The following DNAH6 variants were observed in gnomAD, a reference collection of about 807,000 sequenced individuals.
DNAH6 encodes the protein axonemal beta dynein heavy chain 6.
DNAH6 carries 340 observed loss-of-function variants against 491.4 expected under a neutral mutation model. That is an observed-to-expected ratio of 0.69 (90% CI 0.63 to 0.76). The LOEUF (loss-of-function observed/expected upper bound fraction) is 0.76, where lower values mean the gene tolerates loss of function less well. Among genes scored for constraint, DNAH6 ranks in the 30% least tolerant of loss-of-function variants. The pLI, the probability that DNAH6 is intolerant of heterozygous loss-of-function variation, is 0.00. For missense variants in DNAH6, 4,443 were observed against 4,972.2 expected (o/e 0.89, Z 3.20); for synonymous variants, 1,603 against 1,686.1 (o/e 0.95, Z 1.21).
At chr2:84,765,571 G>A (rs1478280011) in intron 64 of DNAH6, among the ~76,000 whole-genome samples, 2 of 151,980 alleles carry the variant, frequency 1.3e-5, no homozygotes, top group African/African-American at 2.4e-5. Context: ...TAGGGGAAAA[G>A]ACTAAAAGGA....
chr2:84,489,336 G>C, the DNAH6 span, among the ~76,000 whole-genome samples: 1 of 151,964 alleles, frequency 6.6e-6, no homozygotes, highest in African/African-American at 2.4e-5. Flanking sequence ...ATAGGAGTCA[G>C]AGTGATGCTG....
intron 42 of DNAH6, among the ~76,000 whole-genome samples, chr2:84,681,837 C>G (rs1693807587): frequency 6.6e-6 from 1 of 152,130 alleles, no homozygotes. Flanking sequence ...GCTGAGCTCC[C>G]CCTCCATCTG....
At chr2:84,556,915 G>C (rs1233623255) in intron 10 of DNAH6, among the ~76,000 whole-genome samples, 3 of 152,098 alleles carry the variant, frequency 2.0e-5, no homozygotes, top group Non-Finnish European at 1.5e-5. Context: ...ATTTTCCATT[G>C]TTTAAAAGCA....
intron 32 of DNAH6, 101 bp from the exon 33 acceptor site, chr2:84,641,846 G>T: frequency 1.1e-6 from 1 of 869,618 alleles, no homozygotes; most frequent in Non-Finnish European, 1.8e-6. Flanking sequence ...CCTTCTAACA[G>T]GAATCCTCAG....
chr2:84,658,572 G>T, intron 36 of DNAH6, 98 bp downstream of exon 36: 1 of 890,770 alleles, frequency 1.1e-6, no homozygotes. Flanking sequence ...ATAACCATTT[G>T]ATTTTTAAGT....
chr2:84,599,585 T>C (rs1685023811), intron 18 of DNAH6, among the ~76,000 whole-genome samples: 1 of 152,210 alleles, frequency 6.6e-6, no homozygotes, highest in African/African-American at 2.4e-5. Context: ...ATGATTATTT[T>C]TTCTTCAGTC....
At chr2:84,791,725 A>G (rs1297883995) in intron 68 of DNAH6, among the ~76,000 whole-genome samples, 1 of 151,228 alleles carries the variant, frequency 6.6e-6, no homozygotes, top group Non-Finnish European at 1.5e-5. Context: ...TGTGAATTTT[A>G]TGGTTTTTTA....
intron 58 of DNAH6, among the ~76,000 whole-genome samples, chr2:84,717,164 C>T (rs779723260): frequency 2.0e-5 from 3 of 152,164 alleles, no homozygotes; most frequent in Non-Finnish European, 4.4e-5. Context: ...TTTCCAGAAA[C>T]TGTAACTCAC....
chr2:84,610,573 G>A lies in DNAH6; in HGVS notation c.3295-1101G>A, dbSNP rs553744016. Among the ~76,000 whole-genome samples the A allele has an allele frequency of 3.9e-5, 6 of 152,218 alleles. No homozygotes were observed. In the South Asian group the frequency reaches 8.3e-4, roughly 21 times the overall value. ...TTATTCCACCTTTGATTGTCCCATA[G>A]CAAAACAAAGAACCCACTTACACTA... On this transcript the variant is annotated intron_variant, in intron 21 of 76. Transcript: ENST00000389394.
chr2:84,632,460 A>G (rs1321614677), intron 29 of DNAH6, among the ~76,000 whole-genome samples: 1 of 152,210 alleles, frequency 6.6e-6, no homozygotes, highest in Non-Finnish European at 1.5e-5. Context: ...GACCACAGAC[A>G]TGTTCTCAAA....
At chr2:84,715,710 A>C in intron 58 of DNAH6, 83 bp downstream of exon 58, 1 of 1,347,986 alleles carries the variant, frequency 7.4e-7, no homozygotes, top group South Asian at 1.3e-5. Flanking sequence ...GACAAAGACA[A>C]TGTTCTGCTG....
chr2:84,669,430 G>A lies in DNAH6; in HGVS notation c.6226G>A (p.Val2076Met). 6.4e-7 allele frequency: 1 copy of A among 1,552,026 alleles called. No individual in the cohort carries two copies. The highest frequency in any genetic ancestry group is 8.7e-7 in the Non-Finnish European group (1 of 1,147,048). ...FEMLVPTTDT[V>M]RYGYLMEKLL... ...AATGCTTGTCCCCACAACTGACACAGTGCGCTATGGGTATCTAATGGAAAA... is the reference window on the plus strand; with the variant it reads ...AATGCTTGTCCCCACAACTGACACAATGCGCTATGGGTATCTAATGGAAAA... The change falls in exon 38 of 77, where the codon GTG becomes ATG. Residue 2076 changes from valine (V) to methionine (M), a missense_variant. Transcript: ENST00000389394.
Position 84,590,498 on chromosome 2 carries a change from C to CAAA in DNAH6, c.2610+1562_2610+1564dup, listed in dbSNP as rs35787415. On this transcript the variant is annotated intron_variant, in intron 16 of 76. Transcript: ENST00000389394. ...TGACAGTGTGAGCGAGGCTCCATTT[C>CAAA]AAAAAAAAAAAAAAAAAAAAGCTAC... Among the ~76,000 whole-genome samples the CAAA allele has an allele frequency of 4.7e-4, 46 of 97,816 alleles. 1 individual carries two copies. Among genetic ancestry groups the CAAA allele is most frequent in the African/African-American group, 8.0e-4 (20 of 25,070 alleles). 64.2% of individuals were successfully genotyped at this position (97,816 alleles called of 152,430 possible).
chr2:84,679,413 A>G (rs574316251), intron 41 of DNAH6, among the ~76,000 whole-genome samples: 1 of 152,358 alleles, frequency 6.6e-6, no homozygotes, highest in South Asian at 2.1e-4. Flanking sequence ...GTGCCAAAAT[A>G]TGCATCACTA....
chr2:84,661,608 A>G (rs1691514917), intron 37 of DNAH6, among the ~76,000 whole-genome samples: 4 of 152,216 alleles, frequency 2.6e-5, no homozygotes, highest in Admixed American at 2.0e-4. Context: ...AAAGGCCTCT[A>G]CTGAAAATTA....
intron 8 of DNAH6, among the ~76,000 whole-genome samples, chr2:84,549,405 C>G (rs1679105974): frequency 6.6e-6 from 1 of 152,206 alleles, no homozygotes; most frequent in South Asian, 2.1e-4. Flanking sequence ...CTGACTCAGT[C>G]TGCATTCTAA....
intron 73 of DNAH6, 93 bp from the exon 74 acceptor site, chr2:84,812,965 C>A: frequency 1.9e-6 from 2 of 1,045,002 alleles, no homozygotes; most frequent in Non-Finnish European, 1.4e-6. Flanking sequence ...TTAGATTCTG[C>A]CTCCTGAGAA....
chr2:84,672,085 C>T (rs939442253), intron 39 of DNAH6, among the ~76,000 whole-genome samples: 2 of 152,154 alleles, frequency 1.3e-5, no homozygotes, highest in Admixed American at 1.3e-4. Flanking sequence ...CATCTTGTGC[C>T]CTGACAGTGA....
intron 64 of DNAH6, among the ~76,000 whole-genome samples, chr2:84,772,416 AAC>A (rs537178997): frequency 6.6e-6 from 1 of 151,274 alleles, no homozygotes; most frequent in African/African-American, 2.4e-5. Context: ...ATGGATTTCA[AAC>A]ACACACACAC....
Sources: gnomAD v4.1 joint callset for allele counts (sites outside exome capture counted in the v4.1 genomes callset) on GRCh38, gnomAD v4.1.1 for gene constraint, MANE v1.5 for transcripts, NCBI Gene and HGNC (gene_info 2026-07-23, HGNC 2026-07-21) for gene names.